CD82: variants seen among roughly 807,000 people sequenced by gnomAD.
CD82 encodes CD82 molecule.
A neutral mutation model predicts 37.4 loss-of-function variants in CD82; 36 were observed. The ratio of observed to expected loss-of-function variants is 0.96; its 90% CI spans 0.74 to 1.27. The LOEUF (loss-of-function observed/expected upper bound fraction) is 1.27. Ranked by LOEUF, CD82 falls within the 50% of genes most tolerant of loss-of-function variation. The pLI is 0.00. For synonymous variants in CD82, 158 were observed against 137.4 expected, an observed-to-expected ratio of 1.15 and a Z score of -1.05; for missense variants, 340 against 347.0, an observed-to-expected ratio of 0.98 and a Z score of 0.16.
intron 6 of CD82, among the ~76,000 whole-genome samples, chr11:44,611,574 C>T (rs1472101620): frequency 6.6e-6 from 1 of 152,238 alleles, no homozygotes; most frequent in Non-Finnish European, 1.5e-5. Flanking sequence ...AGGGTGGTTA[C>T]ATCCAAGGAG....
At chr11:44,596,442 A>C (rs1468386001) in intron 3 of CD82, among the ~76,000 whole-genome samples, 2 of 152,324 alleles carry the variant, frequency 1.3e-5, no homozygotes, top group East Asian at 3.9e-4. Flanking sequence ...GTGATAAAGA[A>C]ACTTTCCTTC....
intron 4 of CD82, chr11:44,604,390 T>C (rs1321231652): frequency 6.3e-6 from 1 of 157,926 alleles, no homozygotes; most frequent in East Asian, 1.9e-4. Flanking sequence ...GGCCCTTGCC[T>C]GTTCGCCTTT....
chr11:44,586,421 C>A (rs1853055673), intron 1 of CD82, among the ~76,000 whole-genome samples: 1 of 152,150 alleles, frequency 6.6e-6, no homozygotes, highest in South Asian at 2.1e-4. Flanking sequence ...GCTTTTCTGA[C>A]CCAAAGGAGA....
intron 2 of CD82, among the ~76,000 whole-genome samples, chr11:44,591,976 C>T (rs533749608): frequency 2.0e-5 from 3 of 152,062 alleles, no homozygotes; most frequent in Non-Finnish European, 2.9e-5. Flanking sequence ...CCCACCCCCA[C>T]GCCTGGCTAA....
At position 44,616,805 on chromosome 11, in the gene CD82, C is replaced by T. The variant is rs151284974; in HGVS notation, c.439-1357C>T. Among the ~76,000 whole-genome samples, 102 of 152,234 alleles carry T rather than the reference C, an allele frequency of 6.7e-4. No individual in the cohort carries two copies. The Middle Eastern group carries it at 0.02, about 30-fold the overall frequency. On this transcript the variant is annotated intron_variant, in intron 7 of 9. Transcript: ENST00000227155. ...TGTGCTGCTGGGGACCAGGTACAGCCGGAGTCAGGCCAAGGGGTTGCTTGG... is the reference window on the plus strand; with the variant it reads ...TGTGCTGCTGGGGACCAGGTACAGCTGGAGTCAGGCCAAGGGGTTGCTTGG...
intron 1 of CD82, among the ~76,000 whole-genome samples, chr11:44,574,952 G>T (rs140516842): frequency 6.6e-6 from 1 of 152,172 alleles, no homozygotes; most frequent in Non-Finnish European, 1.5e-5. Flanking sequence ...TATAATGATC[G>T]CCTTGTCCCT....
At position 44,619,211 on chromosome 11, in the gene CD82, T is replaced by A; in HGVS notation, c.*85T>A. 9.2e-7 allele frequency: 1 copy of A among 1,092,044 alleles called. No individual in the cohort carries two copies. The highest frequency in any genetic ancestry group is 1.4e-6 in the Non-Finnish European group (1 of 706,290). 67.6% of individuals were successfully genotyped at this position (1,092,044 alleles called of 1,614,324 possible). On this transcript the variant is annotated 3_prime_UTR_variant, in exon 10 of 10. Transcript: ENST00000227155. ...CCTGGCTCCCTCCTCCAGGCCTGCCTCCCACTTCACTGCGAAGACCCTCTT... is the reference window on the plus strand; with the variant it reads ...CCTGGCTCCCTCCTCCAGGCCTGCCACCCACTTCACTGCGAAGACCCTCTT...
chr11:44,596,340 G>A (rs964285130), intron 3 of CD82, among the ~76,000 whole-genome samples: 12 of 152,402 alleles, frequency 7.9e-5, no homozygotes, highest in African/African-American at 2.6e-4. Context: ...GGGAAGGGGT[G>A]CGTGGGCACT....
intron 6 of CD82, among the ~76,000 whole-genome samples, chr11:44,614,153 C>T (rs551053908): frequency 1.6e-4 from 25 of 152,206 alleles, no homozygotes; most frequent in African/African-American, 4.6e-4. Flanking sequence ...GCTGGGATTA[C>T]GGGCACCCAC....
intron 1 of CD82, among the ~76,000 whole-genome samples, chr11:44,573,480 G>A (rs1454193850): frequency 1.3e-5 from 2 of 152,160 alleles, no homozygotes; most frequent in Non-Finnish European, 2.9e-5. Flanking sequence ...CTTTGGACAT[G>A]TAGATAGCCC....
chr11:44,618,694 G>A lies in CD82; in HGVS notation c.697G>A (p.Gly233Ser), dbSNP rs1465248094. 58 of 1,613,162 alleles carry A rather than the reference G, an allele frequency of 3.6e-5. No homozygotes were observed. The highest frequency in any genetic ancestry group is 4.5e-5 in the Non-Finnish European group (53 of 1,179,780). ...GCAGGAGAACCTGGGCATCATCCTC[G>A]GCGTGGGCGTGGGTGTGGCCATCAT... ...WLQENLGIIL[G>S]VGVGVAIIEL... Residue 233 changes from glycine to serine, a missense_variant, in exon 9 of 10, where the codon GGC (glycine) becomes AGC (serine). Physicochemically the swap from Gly to Ser is moderately conservative, Grantham distance 56. Coordinates refer to ENST00000227155, the MANE Select transcript of CD82 (RefSeq NM_002231.4).
Position 44,600,182 on chromosome 11 carries a change from T to G in CD82, c.88T>G (p.Phe30Val), listed in dbSNP as rs1230959270. Reference sequence around the variant, plus strand: ...GATCCTGGGCGCAGTGATCCTGGGCTTCGGGGTGTGGATCCTGGCCGACAA... The same window carrying G: ...GATCCTGGGCGCAGTGATCCTGGGCGTCGGGGTGTGGATCCTGGCCGACAA... ...FFILGAVILGFGVWILADKSS... is the reference protein window; with the variant it reads ...FFILGAVILGVGVWILADKSS... The change falls in exon 4 of 10, where the codon TTC becomes GTC. Residue 30 changes from phenylalanine (F) to valine (V), a missense_variant. Phe to Val is a conservative substitution (Grantham distance 50). Transcript: ENST00000227155. 6.2e-7 allele frequency: 1 copy of G among 1,614,130 alleles called. No homozygotes were observed. Among genetic ancestry groups the G allele is most frequent in the Non-Finnish European group, 8.5e-7 (1 of 1,180,008 alleles).
intron 1 of CD82, among the ~76,000 whole-genome samples, chr11:44,583,562 A>G (rs1024873530): frequency 6.6e-5 from 10 of 152,122 alleles, no homozygotes; most frequent in African/African-American, 2.4e-4. Context: ...GAGGTGTGGA[A>G]GGGTGGGACG....
chr11:44,581,311 C>T (rs1337519574), intron 1 of CD82, among the ~76,000 whole-genome samples: 1 of 152,160 alleles, frequency 6.6e-6, no homozygotes, highest in Non-Finnish European at 1.5e-5. Flanking sequence ...TGGGCAAGGC[C>T]CTTGACCACC....
chr11:44,583,666 C>T lies in CD82; in HGVS notation c.-102-3809C>T, dbSNP rs147816365. On this transcript the variant is annotated intron_variant, in intron 1 of 9. Coordinates refer to ENST00000227155, the MANE Select transcript of CD82 (RefSeq NM_002231.4). The stretch of plus-strand genomic sequence containing the variant: ...AATCAGATCTGAATTTTAATCATAG[C>T]TTAGCCACTTGTGTGGCCTTAGGCA... Among the ~76,000 whole-genome samples the T allele has an allele frequency of 2.0e-5, 3 of 152,334 alleles. No individual in the cohort carries two copies. The East Asian group carries it at 5.8e-4, about 29-fold the overall frequency.
intron 2 of CD82, among the ~76,000 whole-genome samples, chr11:44,591,243 G>A (rs76293386): frequency 0.021 from 3,183 of 152,248 alleles, 105 homozygotes; most frequent in African/African-American, 0.071. Context: ...AAGGGGCCAG[G>A]CAGCCTGGGC....
intron 1 of CD82, among the ~76,000 whole-genome samples, chr11:44,576,672 C>T (rs968828682): frequency 2.6e-5 from 4 of 152,222 alleles, no homozygotes; most frequent in African/African-American, 9.7e-5. Flanking sequence ...GGCCTGGGGG[C>T]AAGTCACTGC....
intron 4 of CD82, chr11:44,604,820 A>G (rs1565091504): frequency 3.5e-6 from 2 of 568,578 alleles, no homozygotes; most frequent in Admixed American, 3.0e-5. Flanking sequence ...AGTAAAAAAT[A>G]AAGCCGGGAA....
At chr11:44,577,662 A>G (rs1852917114) in intron 1 of CD82, among the ~76,000 whole-genome samples, 1 of 152,130 alleles carries the variant, frequency 6.6e-6, no homozygotes. Context: ...TTCGTCGAAA[A>G]GTAAGGAAGC....
Sources: gnomAD v4.1 joint callset for allele counts (sites outside exome capture counted in the v4.1 genomes callset) on GRCh38, gnomAD v4.1.1 for gene constraint, MANE v1.5 for transcripts, NCBI Gene and HGNC (gene_info 2026-07-23, HGNC 2026-07-21) for gene names.